Variants in MBTD1 observed in about 807,000 individuals in gnomAD.
MBTD1 encodes the protein mbt domain containing 1.
A neutral mutation model predicts 87.8 loss-of-function variants in MBTD1; 24 were observed. That is an observed-to-expected ratio of 0.27 (90% CI 0.20 to 0.38). The LOEUF is 0.38. MBTD1 is among the 10% of genes least tolerant of loss of function. The pLI, the probability that MBTD1 is intolerant of heterozygous loss-of-function variation, is 1.00. For missense variants in MBTD1, 436 were observed against 760.2 expected (o/e 0.57, Z 5.02); for synonymous variants, 237 against 248.6 (o/e 0.95, Z 0.44).
intron 11 of MBTD1, 50 bp downstream of exon 11, chr17:51,201,972 C>T: frequency 7.7e-7 from 1 of 1,297,978 alleles, no homozygotes; most frequent in Non-Finnish European, 1.1e-6. Context: ...AACCCACAAC[C>T]CTCTTTCAAA....
Position 51,259,134 on chromosome 17 carries a change from A to C in MBTD1, c.-49+9T>G, listed in dbSNP as rs2055282122. ...TTTTAGGGGTGTAAGCAGGGTTCAG[A>C]CTACCTACCACTTGTCAGAGAGGCT... On this transcript the variant is annotated intron_variant, in intron 2 of 16. Coordinates refer to ENST00000586178, the MANE Select transcript of MBTD1 (RefSeq NM_017643.3). 1 of 556,804 alleles carries C rather than the reference A, an allele frequency of 1.8e-6. No individual in the cohort carries two copies. Among genetic ancestry groups the C allele is most frequent in the Non-Finnish European group, 2.7e-6 (1 of 370,930 alleles). 34.5% of individuals were successfully genotyped at this position (556,804 alleles called of 1,614,324 possible). A position where few individuals can be genotyped will look rare whatever the true frequency, so the allele number is the denominator to read the frequency against.
At chr17:51,243,552 AAT>A (rs1351477563) in intron 2 of MBTD1, among the ~76,000 whole-genome samples, 1 of 152,238 alleles carries the variant, frequency 6.6e-6, no homozygotes, top group African/African-American at 2.4e-5. Flanking sequence ...GAAATCTGAC[AAT>A]ATATGATACT....
intron 16 of MBTD1, among the ~76,000 whole-genome samples, chr17:51,187,839 A>C (rs2050612109): frequency 6.8e-6 from 1 of 147,514 alleles, no homozygotes; most frequent in African/African-American, 2.5e-5. Context: ...ACAGAGCAAG[A>C]CTCTGTCTCA....
Position 51,179,482 on chromosome 17 carries a change from TTTTATATATATATATATATATATATA to T in MBTD1, c.*1068_*1093del, listed in dbSNP as rs1242592493. The T allele has an allele frequency of 0.051, 1,616 of 31,646 alleles. 272 individuals are homozygous for T. Among genetic ancestry groups the T allele is most frequent in the Middle Eastern group, 0.2 (12 of 60 alleles). 2.0% of individuals were successfully genotyped at this position (31,646 alleles called of 1,614,324 possible). A position where few individuals can be genotyped will look rare whatever the true frequency, so the allele number is the denominator to read the frequency against. On this transcript the variant is annotated 3_prime_UTR_variant, in exon 17 of 17. Transcript: ENST00000586178. ...AAATCCTGAATACAATTAAAGACAA[TTTTATATATATATATATATATATATA>T]TATATATATATATATATATATATAT...
chr17:51,218,809 T>C (rs1280143382), intron 5 of MBTD1, 121 bp downstream of exon 5: 1 of 640,618 alleles, frequency 1.6e-6, no homozygotes, highest in East Asian at 2.8e-5. Flanking sequence ...CTTAGAGCTG[T>C]AATGTGCTGA....
chr17:51,248,397 T>C (rs573332858), intron 2 of MBTD1, among the ~76,000 whole-genome samples: 44 of 152,314 alleles, frequency 2.9e-4, no homozygotes, highest in African/African-American at 1.0e-3. Context: ...GTACTTTTCT[T>C]ATCATCATTT....
At chr17:51,221,049 T>C (rs1424678277) in intron 3 of MBTD1, among the ~76,000 whole-genome samples, 1 of 152,074 alleles carries the variant, frequency 6.6e-6, no homozygotes, top group South Asian at 2.1e-4. Flanking sequence ...TCCCAGAACT[T>C]TGGGAGGCCG....
intron 2 of MBTD1, among the ~76,000 whole-genome samples, chr17:51,253,161 A>G (rs1199384947): frequency 6.6e-6 from 1 of 152,198 alleles, no homozygotes; most frequent in African/African-American, 2.4e-5. Flanking sequence ...GAGATTGATG[A>G]TATCTGGTAT....
At chr17:51,250,729 C>G (rs2054730458) in intron 2 of MBTD1, 1 of 152,192 alleles carries the variant, frequency 6.6e-6, no homozygotes, top group Non-Finnish European at 1.5e-5. Flanking sequence ...GGTATAGATT[C>G]AGATCTCTTT....
intron 2 of MBTD1, among the ~76,000 whole-genome samples, chr17:51,244,063 G>A (rs930786328): frequency 2.6e-5 from 4 of 152,100 alleles, no homozygotes; most frequent in Admixed American, 6.5e-5. Flanking sequence ...TGTATACTAC[G>A]TATTTCTCCT....
intron 2 of MBTD1, among the ~76,000 whole-genome samples, chr17:51,240,719 T>A (rs1329315763): frequency 6.6e-6 from 1 of 152,164 alleles, no homozygotes; most frequent in Admixed American, 6.5e-5. Context: ...ACTATACTCT[T>A]TGGAACAAAG....
intron 16 of MBTD1, among the ~76,000 whole-genome samples, chr17:51,186,917 T>G (rs763750022): frequency 6.2e-4 from 94 of 152,146 alleles, no homozygotes; most frequent in Non-Finnish European, 1.3e-3. Flanking sequence ...TAGGTAGCAT[T>G]TCATAGCTCA....
intron 16 of MBTD1, chr17:51,183,571 A>C (rs1289409357): frequency 6.6e-6 from 1 of 152,262 alleles, no homozygotes; most frequent in Non-Finnish European, 1.5e-5. Context: ...TTAACAGACC[A>C]AAGACAGAAA....
chr17:51,192,334 A>T, intron 15 of MBTD1, 54 bp from the exon 16 acceptor site: 1 of 1,250,834 alleles, frequency 8.0e-7, no homozygotes, highest in Non-Finnish European at 1.1e-6. Context: ...AATTTAGACG[A>T]TACAGTTGTC....
At chr17:51,181,511 A>T (rs1004393762) in intron 16 of MBTD1, among the ~76,000 whole-genome samples, 1 of 152,178 alleles carries the variant, frequency 6.6e-6, no homozygotes, top group African/African-American at 2.4e-5. Flanking sequence ...AAACAAAAAA[A>T]AGCTGGGTAT....
intron 2 of MBTD1, among the ~76,000 whole-genome samples, chr17:51,232,702 C>T (rs749924804): frequency 6.6e-6 from 1 of 151,756 alleles, no homozygotes; most frequent in Non-Finnish European, 1.5e-5. Flanking sequence ...TGGAGAAAGG[C>T]AATGTTGAAT....
chr17:51,197,520 CTTTT>C (rs548902033), intron 12 of MBTD1, among the ~76,000 whole-genome samples: 2 of 139,076 alleles, frequency 1.4e-5, no homozygotes. Context: ...TTTTTCTTTT[CTTTT>C]TTTTTTTTTT....
Position 51,228,505 on chromosome 17 carries a change from A to AAG in MBTD1, c.-48-3297_-48-3296insCT, listed in dbSNP as rs398031069. Among the ~76,000 whole-genome samples, 3 of 150,948 alleles carry AAG rather than the reference A, an allele frequency of 2.0e-5. No homozygotes were observed. In the South Asian group the frequency reaches 6.3e-4, roughly 32 times the overall value. On this transcript the variant is annotated intron_variant, in intron 2 of 16. Transcript: ENST00000586178. ...TTCAAACCACGAAAAAAAAAAAAAA[A>AAG]CAAGACAAAACTAATATTGCTACTC...
chr17:51,248,864 C>T (rs571405557), intron 2 of MBTD1, among the ~76,000 whole-genome samples: 3 of 152,272 alleles, frequency 2.0e-5, no homozygotes, highest in South Asian at 2.1e-4. Context: ...TGTCCTTTTG[C>T]TTTTTGAATT....
Sources: gnomAD v4.1 joint callset for allele counts (sites outside exome capture counted in the v4.1 genomes callset) on GRCh38, gnomAD v4.1.1 for gene constraint, MANE v1.5 for transcripts, NCBI Gene and HGNC (gene_info 2026-07-23, HGNC 2026-07-21) for gene names.